TYW3: variants seen among roughly 807,000 people sequenced by gnomAD.
TYW3 encodes the protein tRNA wybutosine-synthesizing protein 3 homolog.
Under a neutral mutation model 23.1 loss-of-function variants are expected in TYW3, and 26 were observed. The ratio of observed to expected loss-of-function variants is 1.13; its 90% confidence interval spans 0.83 to 1.56. The LOEUF (loss-of-function observed/expected upper bound fraction) is 1.56. Among genes scored for constraint, TYW3 ranks in the 40% most tolerant of loss-of-function variants. TYW3 has a pLI of 0.00. For synonymous variants in TYW3, 102 were observed against 105.7 expected (o/e 0.97, Z 0.21); for missense variants, 316 against 311.9 (o/e 1.01, Z -0.10).
chr1:74,760,951 G>T (rs1453458656), intron 5 of TYW3, among the ~76,000 whole-genome samples: 2 of 152,182 alleles, frequency 1.3e-5, no homozygotes, highest in Non-Finnish European at 2.9e-5. Context: ...CTTATGAAGA[G>T]AACTAAGTAC....
intron 5 of TYW3, chr1:74,761,571 G>T (rs1293307675): frequency 6.6e-6 from 1 of 151,902 alleles, no homozygotes; most frequent in Admixed American, 6.6e-5. Context: ...AACAGGGATG[G>T]CGTCTTATGA....
chr1:74,747,814 CAT>C (rs1383125883), intron 3 of TYW3, among the ~76,000 whole-genome samples: 38 of 126,576 alleles, frequency 3.0e-4, no homozygotes, highest in East Asian at 5.9e-4. Context: ...TGTGTACACA[CAT>C]ATGTATATAT....
intron 3 of TYW3, among the ~76,000 whole-genome samples, chr1:74,743,227 G>C (rs1432230706): frequency 6.6e-6 from 1 of 152,120 alleles, no homozygotes; most frequent in Non-Finnish European, 1.5e-5. Context: ...TGATTGGCCT[G>C]CTCCATTTTA....
chr1:74,759,788 A>G (rs899148926), intron 5 of TYW3, among the ~76,000 whole-genome samples: 2 of 152,136 alleles, frequency 1.3e-5, no homozygotes, highest in Non-Finnish European at 2.9e-5. Context: ...TACTACAGGC[A>G]TGTACCACCA....
At chr1:74,743,530 G>A (rs560749625) in intron 3 of TYW3, among the ~76,000 whole-genome samples, 15 of 152,238 alleles carry the variant, frequency 9.9e-5, no homozygotes, top group African/African-American at 2.9e-4. Context: ...TCCCATAGCC[G>A]CTCGAGGAAG....
chr1:74,737,597 T>C (rs1326197934), intron 2 of TYW3, among the ~76,000 whole-genome samples: 1 of 152,234 alleles, frequency 6.6e-6, no homozygotes, highest in Non-Finnish European at 1.5e-5. Context: ...GGCAGGACGA[T>C]GTTGCCCGGG....
In TYW3 at chr1:74,748,733, A is replaced by G. The variant is rs749973630; in HGVS notation, c.355-18A>G. On this transcript the variant is annotated intron_variant, in intron 3 of 5. Coordinates refer to ENST00000370867, the MANE Select transcript of TYW3 (RefSeq NM_138467.3). ...TTACCCACAGTATCAAAATGTAACA[A>G]GTTTTATTTTCTTACAGCATTCCAT... 16 of 1,611,790 alleles carry G rather than the reference A, an allele frequency of 9.9e-6. 1 individual carries two copies. In the South Asian group the frequency reaches 1.6e-4, roughly 17 times the overall value.
chr1:74,745,605 C>T (rs1016475551), intron 3 of TYW3, among the ~76,000 whole-genome samples: 3 of 152,198 alleles, frequency 2.0e-5, no homozygotes, highest in African/African-American at 7.2e-5. Flanking sequence ...TTCTCCAAAT[C>T]CCCACTCGAC....
intron 5 of TYW3, among the ~76,000 whole-genome samples, chr1:74,760,196 G>T (rs1649095023): frequency 6.6e-6 from 1 of 152,150 alleles, no homozygotes; most frequent in Admixed American, 6.5e-5. Context: ...TTCACCTTGA[G>T]TAGGCTGAGG....
intron 3 of TYW3, among the ~76,000 whole-genome samples, chr1:74,741,411 C>G (rs1361576105): frequency 1.3e-5 from 2 of 152,046 alleles, no homozygotes; most frequent in Non-Finnish European, 2.9e-5. Context: ...GCAGGTTCCT[C>G]CGGGGGTGTC....
At chr1:74,749,704 T>C (rs1228073154) in intron 4 of TYW3, among the ~76,000 whole-genome samples, 1 of 152,176 alleles carries the variant, frequency 6.6e-6, no homozygotes, top group African/African-American at 2.4e-5. Flanking sequence ...TGGTGGCTCA[T>C]GCTTGTAATC....
At chr1:74,736,161 G>C (rs890680206) in intron 1 of TYW3, 1 of 155,112 alleles carries the variant, frequency 6.4e-6, no homozygotes, top group Non-Finnish European at 1.4e-5. Flanking sequence ...AATTGGGACA[G>C]TGCTGTCCTA....
In TYW3 at chr1:74,733,520, CT is replaced by C. The variant is rs1647996552; in HGVS notation, c.174+103del. On this transcript the variant is annotated intron_variant, in intron 1 of 5. Transcript: ENST00000370867. ...ACCGGATCCAGCATGTCTGTGTTTG[CT>C]CCTCTGAGGGGTGGTCTCTGTTTCT... 9 of 1,504,402 alleles carry C rather than the reference CT, an allele frequency of 6.0e-6. No homozygotes were observed. The East Asian group carries it at 2.1e-4, about 36-fold the overall frequency. 93.2% of individuals were successfully genotyped at this position (1,504,402 alleles called of 1,614,324 possible). A position where few individuals can be genotyped will look rare whatever the true frequency, so the allele number is the denominator to read the frequency against.
At chr1:74,752,113 A>G (rs1648804558) in intron 4 of TYW3, among the ~76,000 whole-genome samples, 179 bp from the exon 5 acceptor site, 1 of 152,218 alleles carries the variant, frequency 6.6e-6, no homozygotes, top group Admixed American at 6.5e-5. Context: ...TGATGGAAAA[A>G]ATTTTATTTA....
chr1:74,756,642 C>T (rs992472698), intron 5 of TYW3, among the ~76,000 whole-genome samples: 1 of 152,172 alleles, frequency 6.6e-6, no homozygotes, highest in African/African-American at 2.4e-5. Context: ...GTTTTGAAAA[C>T]TTGCAGCATG....
chr1:74,760,485 A>C (rs999401145), intron 5 of TYW3, among the ~76,000 whole-genome samples: 1 of 152,168 alleles, frequency 6.6e-6, no homozygotes, highest in African/African-American at 2.4e-5. Context: ...TTCCTCTCTT[A>C]GCACATTGTC....
intron 5 of TYW3, among the ~76,000 whole-genome samples, chr1:74,757,519 T>C (rs528031052): frequency 5.9e-5 from 9 of 152,364 alleles, no homozygotes; most frequent in Admixed American, 4.6e-4. Flanking sequence ...GGCCAATTTA[T>C]CCTATTTGAA....
At chr1:74,747,819 G>GTATA (rs79579729) in intron 3 of TYW3, among the ~76,000 whole-genome samples, 2 of 150,466 alleles carry the variant, frequency 1.3e-5, no homozygotes, top group Non-Finnish European at 1.5e-5. Flanking sequence ...ACACACATAT[G>GTATA]TATATATATG....
chr1:74,738,542 C>T, intron 2 of TYW3, 148 bp from the exon 3 acceptor site: 1 of 465,500 alleles, frequency 2.1e-6, no homozygotes. Context: ...GAAAAAGGAC[C>T]AAGAAAGCAG....
Sources: allele counts gnomAD v4.1 joint callset (sites outside exome capture counted in the v4.1 genomes callset), GRCh38; gene constraint gnomAD v4.1.1; transcripts MANE v1.5; gene names NCBI Gene and HGNC (gene_info 2026-07-23, HGNC 2026-07-21).